ITGBL1: variants seen among roughly 807,000 people sequenced by gnomAD.
The protein encoded by ITGBL1 is integrin subunit beta like 1, also known as integrin beta-like protein 1.
In ITGBL1, 51 loss-of-function variants were observed where a neutral mutation model predicts 68.5. That is an observed-to-expected ratio of 0.74 (90% CI 0.59 to 0.94). The LOEUF (loss-of-function observed/expected upper bound fraction) is 0.94. Ranked by LOEUF, ITGBL1 falls within the 40% of genes least tolerant of loss-of-function variation. The pLI, the probability that ITGBL1 is intolerant of heterozygous loss-of-function variation, is 0.00. For missense variants in ITGBL1, 649 were observed against 647.4 expected (o/e 1.00, Z -0.03); for synonymous variants, 209 against 227.3 (o/e 0.92, Z 0.72).
intron 7 of ITGBL1, among the ~76,000 whole-genome samples, chr13:101,600,790 A>T (rs1330633587): frequency 3.3e-5 from 5 of 152,276 alleles, no homozygotes; most frequent in African/African-American, 1.2e-4. Flanking sequence ...GATGAAGCCC[A>T]CTTGATCATA....
intron 1 of ITGBL1, 54 bp from the exon 2 acceptor site, chr13:101,453,829 A>AG: frequency 8.6e-7 from 1 of 1,164,634 alleles, no homozygotes; most frequent in Non-Finnish European, 1.1e-6. Flanking sequence ...GGTTCGGAGC[A>AG]GGGGGCGGCG....
At chr13:101,715,486 C>T in intron 10 of ITGBL1, 77 bp from the exon 11 acceptor site, 1 of 972,416 alleles carries the variant, frequency 1.0e-6, no homozygotes, top group Non-Finnish European at 1.7e-6. Context: ...ATTGTGGACA[C>T]TTGTGATTTA....
chr13:101,696,372 T>C (rs2034002591), intron 8 of ITGBL1, among the ~76,000 whole-genome samples: 2 of 152,190 alleles, frequency 1.3e-5, no homozygotes, highest in Admixed American at 6.5e-5. Flanking sequence ...CAGGTTTCTG[T>C]TTTGAGCAAC....
intron 8 of ITGBL1, among the ~76,000 whole-genome samples, chr13:101,694,195 C>A (rs1029545011): frequency 2.0e-5 from 3 of 152,094 alleles, no homozygotes; most frequent in Non-Finnish European, 4.4e-5. Flanking sequence ...CAATATTATT[C>A]TTAGGTTAAA....
intron 8 of ITGBL1, among the ~76,000 whole-genome samples, chr13:101,704,583 T>G (rs1594995087): frequency 6.6e-6 from 1 of 151,510 alleles, no homozygotes; most frequent in East Asian, 1.9e-4. Flanking sequence ...GAGAAGAGAC[T>G]TGCAAGGAGA....
chr13:101,543,871 A>C lies in ITGBL1; in HGVS notation c.317-23828A>C, dbSNP rs148528799. The stretch of plus-strand genomic sequence containing the variant: ...GGCTACTGAGGCTTGTGCATTTGTC[A>C]CGTAGTTCTCGTGCCTTGGTTTTCA... On this transcript the variant is annotated intron_variant, in intron 2 of 10. Coordinates refer to ENST00000376180, the MANE Select transcript of ITGBL1 (RefSeq NM_004791.3). Among the ~76,000 whole-genome samples the C allele has an allele frequency of 6.0e-3, 914 of 152,170 alleles. 63 individuals carry two copies. The East Asian group carries it at 0.15, about 24-fold the overall frequency.
intron 7 of ITGBL1, among the ~76,000 whole-genome samples, chr13:101,605,153 T>C (rs2030686497): frequency 1.4e-5 from 1 of 69,568 alleles, no homozygotes; most frequent in Admixed American, 1.6e-4. Context: ...TATACATATG[T>C]GTGTGTATAT....
chr13:101,554,418 C>G lies in ITGBL1; in HGVS notation c.317-13281C>G, dbSNP rs75710545. ...CCTGGTCCCTGCTTATGTCTCATTTCTCTAGCTGCTGTCTTACACGATGAC... is the reference window on the plus strand; with the variant it reads ...CCTGGTCCCTGCTTATGTCTCATTTGTCTAGCTGCTGTCTTACACGATGAC... On this transcript the variant is annotated intron_variant, in intron 2 of 10. Transcript: ENST00000376180. 2.7e-3 allele frequency among the ~76,000 whole-genome samples: 418 copies of G among 152,314 alleles called. 2 individuals are homozygous for G. Among genetic ancestry groups the G allele is most frequent in the African/African-American group, 9.1e-3 (379 of 41,566 alleles).
intron 2 of ITGBL1, among the ~76,000 whole-genome samples, chr13:101,531,818 C>T (rs917098741): frequency 3.3e-5 from 5 of 151,422 alleles, no homozygotes; most frequent in African/African-American, 9.7e-5. Context: ...CTGCAAGCTC[C>T]GCCTCCCAAG....
chr13:101,557,770 G>A (rs1382456976), intron 2 of ITGBL1, among the ~76,000 whole-genome samples: 2 of 151,950 alleles, frequency 1.3e-5, no homozygotes, highest in African/African-American at 2.4e-5. Flanking sequence ...TGGTGTGTCC[G>A]ATGCTAACAG....
At chr13:101,457,089 T>G (rs1045699974) in intron 2 of ITGBL1, among the ~76,000 whole-genome samples, 1 of 152,230 alleles carries the variant, frequency 6.6e-6, no homozygotes, top group African/African-American at 2.4e-5. Context: ...GTTTAACATA[T>G]GTAAAATACT....
intron 6 of ITGBL1, among the ~76,000 whole-genome samples, chr13:101,588,236 T>C (rs1234214999): frequency 1.3e-5 from 2 of 152,114 alleles, no homozygotes; most frequent in African/African-American, 4.8e-5. Flanking sequence ...ATGGGTATTT[T>C]GGGCTGCAGT....
chr13:101,505,713 G>C (rs180846307), intron 2 of ITGBL1, among the ~76,000 whole-genome samples: 2 of 152,066 alleles, frequency 1.3e-5, no homozygotes, highest in African/African-American at 4.8e-5. Context: ...TGAGCTTAAG[G>C]CTTTCTCTCC....
intron 7 of ITGBL1, among the ~76,000 whole-genome samples, chr13:101,607,672 A>G (rs1415555900): frequency 3.3e-5 from 5 of 152,054 alleles, no homozygotes; most frequent in Non-Finnish European, 7.4e-5. Flanking sequence ...TCTCTAAAAT[A>G]AATTATACAG....
rs1390458057 is a variant in ITGBL1, at chr13:101,638,352, CA to C, written c.1015+40054del. Among the ~76,000 whole-genome samples the C allele has an allele frequency of 2.6e-5, 4 of 152,170 alleles. No individual in the cohort carries two copies. In the East Asian group the frequency reaches 7.7e-4, roughly 29 times the overall value. On this transcript the variant is annotated intron_variant, in intron 7 of 10. Coordinates refer to ENST00000376180, the MANE Select transcript of ITGBL1 (RefSeq NM_004791.3). ...GGAAAGAGCATACCCTTCCACCTCT[CA>C]GTTTGATTTGAGTATTAAATGAGCT...
intron 2 of ITGBL1, among the ~76,000 whole-genome samples, chr13:101,557,477 A>C (rs1308294012): frequency 6.6e-6 from 1 of 152,232 alleles, no homozygotes; most frequent in African/African-American, 2.4e-5. Context: ...CAAACCATGC[A>C]ATAATTATAA....
intron 7 of ITGBL1, among the ~76,000 whole-genome samples, chr13:101,684,657 G>A (rs999512278): frequency 7.3e-5 from 11 of 151,674 alleles, no homozygotes; most frequent in African/African-American, 2.4e-4. Flanking sequence ...AGTAATTTTT[G>A]TTTCCTTCTT....
intron 2 of ITGBL1, among the ~76,000 whole-genome samples, chr13:101,538,957 C>T (rs1341346164): frequency 1.3e-5 from 2 of 151,252 alleles, no homozygotes; most frequent in Non-Finnish European, 2.9e-5. Context: ...AAATAACTTG[C>T]TCAAGTTCAC....
At chr13:101,698,867 G>T (rs769489325) in intron 8 of ITGBL1, among the ~76,000 whole-genome samples, 4 of 152,160 alleles carry the variant, frequency 2.6e-5, no homozygotes, top group Non-Finnish European at 5.9e-5. Context: ...GAACTAGGCT[G>T]CTTATTGCTT....
Sources: gnomAD v4.1 joint callset for allele counts (sites outside exome capture counted in the v4.1 genomes callset) on GRCh38, gnomAD v4.1.1 for gene constraint, MANE v1.5 for transcripts, NCBI Gene and HGNC (gene_info 2026-07-23, HGNC 2026-07-21) for gene names.